IRX4: variants seen among roughly 807,000 people sequenced by gnomAD.
IRX4 encodes iroquois-class homeodomain protein IRX-4.
Under a neutral mutation model 32.0 loss-of-function variants are expected in IRX4, and 22 were observed. That is an observed-to-expected ratio of 0.69 (90% CI 0.49 to 0.98). The LOEUF is 0.98. Ranked by LOEUF, IRX4 falls within the 50% of genes least tolerant of loss-of-function variation. The probability of loss-of-function intolerance (pLI) is 0.00; values close to 1 mark genes in which losing one functional copy is unlikely to be tolerated. For synonymous variants in IRX4, 379 were observed against 351.7 expected, an observed-to-expected ratio of 1.08 and a Z score of -0.87; for missense variants, 840 against 744.2, an observed-to-expected ratio of 1.13 and a Z score of -1.50.
chr5:1,880,792 C>T lies in IRX4; in HGVS notation c.340G>A (p.Gly114Ser). The change falls in exon 3 of 5, where the codon GGC becomes AGC. Residue 114 changes from glycine to serine, a missense_variant. By Grantham distance (56) the Gly-to-Ser change is moderately conservative. Transcript: ENST00000231357. The part of the protein sequence containing the change: ...SKDGSGSAHG[G>S]LAPAAAAYYP... ...TAGGCGGCAGCGGCTGGTGCCAGGC[C>T]CCCATGCGCAGATCCCGAACCATCC... 1 of 1,613,634 alleles carries T rather than the reference C, an allele frequency of 6.2e-7. No individual in the cohort carries two copies. Among genetic ancestry groups the T allele is most frequent in the Non-Finnish European group, 8.5e-7 (1 of 1,179,956 alleles).
Position 1,877,911 on chromosome 5 carries a change from A to G in IRX4, c.*58T>C. 2.1e-6 allele frequency: 3 copies of G among 1,416,734 alleles called. No individual in the cohort carries two copies. Among genetic ancestry groups the G allele is most frequent in the South Asian group, 1.3e-5 (1 of 78,588 alleles). 87.8% of individuals were successfully genotyped at this position (1,416,734 alleles called of 1,614,324 possible). A position where few individuals can be genotyped will look rare whatever the true frequency, so the allele number is the denominator to read the frequency against. On this transcript the variant is annotated 3_prime_UTR_variant, in exon 5 of 5. Coordinates refer to ENST00000231357, the MANE Select transcript of IRX4 (RefSeq NM_016358.3). ...GTCTTCCTCTGGAAACTCAGTGAAA[A>G]GAGTCGGCGCCGTCCGCCTGAGCGC...
chr5:1,878,004 G>A lies in IRX4; in HGVS notation c.1525C>T (p.Leu509=). The A allele has an allele frequency of 6.6e-7, 1 of 1,507,412 alleles. No homozygotes were observed. The highest frequency in any genetic ancestry group is 2.6e-5 in the East Asian group (1 of 39,032). 93.4% of individuals were successfully genotyped at this position (1,507,412 alleles called of 1,614,324 possible). The part of the protein sequence containing the change: ...AAGAARELLA[L]PKAGGKPFCA ...AAGGGTTTGCCGCCGGCCTTGGGCA[G>A]GGCGAGCAGCTCCCTGGCGGCGCCT... Residue 509 remains leucine (L), a synonymous_variant, in exon 5 of 5, where the codon CTG becomes TTG. Transcript: ENST00000231357.
At chr5:1,882,323 C>T (rs947700526) in intron 1 of IRX4, among the ~76,000 whole-genome samples, 1 of 152,194 alleles carries the variant, frequency 6.6e-6, no homozygotes, top group African/African-American at 2.4e-5. Context: ...CCTCCTTCCC[C>T]AGGGGTTCCT....
At chr5:1,882,422 C>T (rs1735483695) in intron 1 of IRX4, among the ~76,000 whole-genome samples, 181 bp downstream of exon 1, 1 of 152,158 alleles carries the variant, frequency 6.6e-6, no homozygotes, top group Non-Finnish European at 1.5e-5. Flanking sequence ...ATTTTCTTAG[C>T]GCCTCGGCCT....
intron 3 of IRX4, chr5:1,880,175 C>A: frequency 6.6e-7 from 1 of 1,506,298 alleles, no homozygotes; most frequent in Non-Finnish European, 8.9e-7. Flanking sequence ...GACAGGTAAG[C>A]CCACACCCTG....
upstream of IRX4, among the ~76,000 whole-genome samples, chr5:1,883,047 C>T (rs1404964177): frequency 6.6e-6 from 1 of 152,174 alleles, no homozygotes; most frequent in African/African-American, 2.4e-5. Flanking sequence ...GCAGACTCGC[C>T]GGTCACTCGC....
upstream of IRX4, among the ~76,000 whole-genome samples, chr5:1,885,499 A>G (rs1735600574): frequency 6.6e-6 from 1 of 151,828 alleles, no homozygotes; most frequent in African/African-American, 2.4e-5. Flanking sequence ...CACACGCTCC[A>G]CTTCCTGCCC....
upstream of IRX4, among the ~76,000 whole-genome samples, chr5:1,886,023 T>G (rs1257770127): frequency 6.6e-6 from 1 of 152,236 alleles, no homozygotes; most frequent in African/African-American, 2.4e-5. Context: ...CCCGCTGGCC[T>G]GGAGCGCTCC....
Position 1,880,126 on chromosome 5 carries a change from C to T in IRX4, c.408-294G>A, listed in dbSNP as rs1310582718. ...CAGGCCAATTCCTTTATGGGGATGA[C>T]CGCCTAGCCGTTTGATCCTCAAACC... On this transcript the variant is annotated intron_variant, in intron 3 of 4. Transcript: ENST00000231357. The T allele has an allele frequency of 2.6e-6, 4 of 1,535,616 alleles. No homozygotes were observed. The South Asian group carries it at 4.8e-5, about 18-fold the overall frequency.
rs1426566263 is a variant in IRX4, at chr5:1,877,657, G to T, written c.*312C>A. On this transcript the variant is annotated 3_prime_UTR_variant, in exon 5 of 5. Transcript: ENST00000231357. ...GCAGACCACGCTTCAGAACGGAACC[G>T]CCTTCTCCATGTAAACTTTTGACGT... 2 of 384,908 alleles carry T rather than the reference G, an allele frequency of 5.2e-6. No individual in the cohort carries two copies. Among genetic ancestry groups the T allele is most frequent in the Non-Finnish European group, 9.3e-6 (2 of 216,010 alleles). The allele number at this position is 384,908 out of a possible 1,614,324, so 23.8% of individuals were successfully genotyped here.
Position 1,881,817 on chromosome 5 carries a change from G to A in IRX4, c.288C>T (p.Phe96=). The A allele has an allele frequency of 6.4e-7, 1 of 1,565,040 alleles. No individual in the cohort carries two copies. The highest frequency in any genetic ancestry group is 8.7e-7 in the Non-Finnish European group (1 of 1,155,848). Residue 96 remains phenylalanine, a synonymous_variant, in exon 2 of 5, where the codon TTC becomes TTT. Coordinates refer to ENST00000231357, the MANE Select transcript of IRX4 (RefSeq NM_016358.3). ...GGGATGCCCCACTTACCAGCGAGTA[G>A]AAGGCGGACGCCTCCGAGCCGTAGG... is the stretch of plus-strand genomic sequence containing the variant. ...YVTYGSEASA[F]YSLNSFDSKD...
At chr5:1,881,350 A>C in intron 2 of IRX4, among the ~76,000 whole-genome samples, 1 of 66,810 alleles carries the variant, frequency 1.5e-5, no homozygotes, top group East Asian at 5.8e-4. Flanking sequence ...GGGAGGAGCA[A>C]GGAGGGGGAG....
upstream of IRX4, among the ~76,000 whole-genome samples, chr5:1,883,048 G>A (rs1414726602): frequency 6.6e-6 from 1 of 151,984 alleles, no homozygotes; most frequent in African/African-American, 2.4e-5. Context: ...CAGACTCGCC[G>A]GTCACTCGCC....
Position 1,878,544 on chromosome 5 carries a change from T to C in IRX4, c.985A>G (p.Ser329Gly). The C allele has an allele frequency of 6.7e-7, 1 of 1,487,606 alleles. No individual in the cohort carries two copies. Among genetic ancestry groups the C allele is most frequent in the Non-Finnish European group, 8.9e-7 (1 of 1,123,784 alleles). 92.2% of individuals were successfully genotyped at this position (1,487,606 alleles called of 1,614,324 possible). A position where few individuals can be genotyped will look rare whatever the true frequency, so the allele number is the denominator to read the frequency against. Residue 329 changes from serine (S) to glycine (G), a missense_variant, in exon 5 of 5, where the codon AGC becomes GGC. Ser to Gly is a moderately conservative substitution (Grantham distance 56). Transcript: ENST00000231357. ...AGTGGCTCCGGCCCGGCCGCCGCGCTGCGGAGACAGCTCCGGGCCCTCTCC... is the reference window on the plus strand; with the variant it reads ...AGTGGCTCCGGCCCGGCCGCCGCGCCGCGGAGACAGCTCCGGGCCCTCTCC... ...DLERARSCLR[S>G]AAAGPEPLPG... is the part of the protein sequence containing the mutation.
At chr5:1,885,493 C>T (rs1735600249), upstream of IRX4, among the ~76,000 whole-genome samples, 1 of 152,184 alleles carries the variant, frequency 6.6e-6, no homozygotes. Flanking sequence ...CGCACACACA[C>T]GCTCCACTTC....
At chr5:1,880,628 C>A in intron 3 of IRX4, 97 bp downstream of exon 3, 1 of 834,228 alleles carries the variant, frequency 1.2e-6, no homozygotes, top group South Asian at 1.5e-5. Context: ...CTGCCTCCCG[C>A]CTTCCAGAAA....
At chr5:1,883,631 G>A (rs868203924), upstream of IRX4, among the ~76,000 whole-genome samples, 1 of 152,218 alleles carries the variant, frequency 6.6e-6, no homozygotes, top group African/African-American at 2.4e-5. Flanking sequence ...CCGGGCGTGC[G>A]CCCACCGGCT....
At chr5:1,878,868 T>C (rs1461201817) in intron 4 of IRX4, 76 bp from the exon 5 acceptor site, 3 of 1,480,192 alleles carry the variant, frequency 2.0e-6, no homozygotes, top group Non-Finnish European at 2.8e-6. Context: ...CGTCCACCAT[T>C]ATGAGGCCTG....
In IRX4 at chr5:1,879,635, T is replaced by C; in HGVS notation, c.605A>G (p.Lys202Arg). The change falls in exon 4 of 5, where the codon AAG (lysine) becomes AGG (arginine). Residue 202 changes from lysine (K) to arginine (R), a missense_variant. Lys to Arg is a conservative substitution (Grantham distance 26). This residue lies in a region of IRX4 where 585 missense variants were observed against 488.0 expected (regional missense o/e 1.20). Coordinates refer to ENST00000231357, the MANE Select transcript of IRX4 (RefSeq NM_016358.3). ...CGGCGGCCACGTCATCTTGTTCTCCTTCTTGAGGCGCCGGCGCGCGTTGGC... is the reference window on the plus strand; with the variant it reads ...CGGCGGCCACGTCATCTTGTTCTCCCTCTTGAGGCGCCGGCGCGCGTTGGC... The part of the protein sequence containing the change: ...WFANARRRLK[K>R]ENKMTWPPRN... 8 of 1,614,118 alleles carry C rather than the reference T, an allele frequency of 5.0e-6. No individual in the cohort carries two copies. Among genetic ancestry groups the C allele is most frequent in the Non-Finnish European group, 5.9e-6 (7 of 1,180,034 alleles).
Sources: gnomAD v4.1 joint callset for allele counts (sites outside exome capture counted in the v4.1 genomes callset) on GRCh38, gnomAD v4.1.1 for gene constraint, gnomAD v4.1.1 regional missense constraint, MANE v1.5 for transcripts, NCBI Gene and HGNC (gene_info 2026-07-23, HGNC 2026-07-21) for gene names.